Variants in SHROOM2 observed in about 807,000 individuals in gnomAD.
SHROOM2 encodes the protein shroom family member 2, also known as protein Shroom2.
In SHROOM2, 33 loss-of-function variants were observed where a neutral mutation model predicts 75.9. That is an observed-to-expected ratio of 0.43 (90% CI 0.33 to 0.58). The LOEUF (loss-of-function observed/expected upper bound fraction) is 0.58. Ranked by LOEUF, SHROOM2 falls within the 20% of genes least tolerant of loss-of-function variation. The pLI, the probability that SHROOM2 is intolerant of heterozygous loss-of-function variation, is 0.04. For missense variants in SHROOM2, 1,434 were observed against 1,461.2 expected (o/e 0.98, Z 0.30); for synonymous variants, 655 against 663.6 (o/e 0.99, Z 0.20).
chrX:9,928,756 A>G (rs1387852062), intron 5 of SHROOM2, among the ~76,000 whole-genome samples: 1 of 111,075 alleles, frequency 9.0e-6, no homozygotes, highest in Non-Finnish European at 1.9e-5. Flanking sequence ...AGGCGTACAC[A>G]TACAACATAC....
At chrX:9,834,024 C>T (rs2083930715) in intron 1 of SHROOM2, among the ~76,000 whole-genome samples, 1 of 112,482 alleles carries the variant, frequency 8.9e-6, no homozygotes, top group African/African-American at 3.2e-5. Flanking sequence ...AGTGACTTTG[C>T]TCCCCAGACA....
chrX:9,884,283 TA>T lies in SHROOM2; in HGVS notation c.318-6693del, dbSNP rs774513260. ...TTAGCTGGGGGCACGAAACACAAAC[TA>T]TTTGTCTTGGGAGGAGGTGCTTCTT... is the stretch of plus-strand genomic sequence containing the variant. On this transcript the variant is annotated intron_variant, in intron 2 of 9. Transcript: ENST00000380913. 5.4e-5 allele frequency among the ~76,000 whole-genome samples: 6 copies of T among 110,427 alleles called. No individual in the cohort carries two copies. In the South Asian group the frequency reaches 2.3e-3, roughly 43 times the overall value.
chrX:9,888,676 G>A (rs2084274631), intron 2 of SHROOM2, among the ~76,000 whole-genome samples: 1 of 111,603 alleles, frequency 9.0e-6, no homozygotes, highest in African/African-American at 3.3e-5. Flanking sequence ...ACTCCTGGCC[G>A]AAAGCAATCC....
At chrX:9,941,767 C>A (rs777759572) in intron 8 of SHROOM2, among the ~76,000 whole-genome samples, 55 of 109,022 alleles carry the variant, frequency 5.0e-4, no homozygotes, top group African/African-American at 1.4e-3. Flanking sequence ...GTCAGCAGAT[C>A]GAGGCCATCC....
At chrX:9,861,072 A>G (rs2084100800) in intron 1 of SHROOM2, among the ~76,000 whole-genome samples, 2 of 112,510 alleles carry the variant, frequency 1.8e-5, no homozygotes, top group Non-Finnish European at 3.8e-5. Context: ...TGCAAGTTCT[A>G]GAGATCTCTT....
At chrX:9,807,339 G>A (rs965331688) in intron 1 of SHROOM2, among the ~76,000 whole-genome samples, 7 of 112,253 alleles carry the variant, frequency 6.2e-5, no homozygotes, top group Non-Finnish European at 1.1e-4. Context: ...TGTTTCAGGC[G>A]TGCGAGTTTG....
chrX:9,915,669 G>A (rs963052978), intron 5 of SHROOM2, among the ~76,000 whole-genome samples: 4 of 112,425 alleles, frequency 3.6e-5, no homozygotes, highest in Admixed American at 9.4e-5. Flanking sequence ...ATTTATACAC[G>A]TGTGTGTGTA....
At chrX:9,855,774 A>G (rs1342592991) in intron 1 of SHROOM2, among the ~76,000 whole-genome samples, 1 of 111,439 alleles carries the variant, frequency 9.0e-6, no homozygotes, top group African/African-American at 3.3e-5. Context: ...GTGCTCTGCA[A>G]ACTCTTGCCC....
At chrX:9,827,825 G>T (rs1202001334) in intron 1 of SHROOM2, among the ~76,000 whole-genome samples, 1 of 110,746 alleles carries the variant, frequency 9.0e-6, no homozygotes, top group Admixed American at 9.6e-5. Flanking sequence ...GGTCGGGGTG[G>T]TTGGGCTGCA....
intron 1 of SHROOM2, among the ~76,000 whole-genome samples, chrX:9,815,426 TACA>T (rs2083813340): frequency 1.2e-5 from 1 of 82,219 alleles, no homozygotes; most frequent in Admixed American, 1.6e-4. Context: ...AGGATAGATA[TACA>T]TATTATGTGT....
At chrX:9,803,220 G>A (rs1422454318) in intron 1 of SHROOM2, among the ~76,000 whole-genome samples, 3 of 108,124 alleles carry the variant, frequency 2.8e-5, no homozygotes, top group Admixed American at 1.0e-4. Flanking sequence ...GATTACAGTT[G>A]GGAGCCACCA....
Position 9,937,653 on chromosome X carries a change from C to T in SHROOM2, c.4107C>T (p.Pro1369=), listed in dbSNP as rs1236522249. ...CCCAGCAACGGAGGAAGCTGCTCCC[C>T]AAAATCCCCTCTCCTAGAAGCACAG... ...EEAQQRRKLL[P]KIPSPRSTEE... is the part of the protein sequence containing the mutation. Residue 1369 remains proline, a synonymous_variant, in exon 7 of 10, where the codon CCC becomes CCT. Transcript: ENST00000380913. 3 of 1,202,149 alleles carry T rather than the reference C, an allele frequency of 2.5e-6. No individual in the cohort carries two copies. The highest frequency in any genetic ancestry group is 3.4e-6 in the Non-Finnish European group (3 of 890,626).
At chrX:9,853,245 C>G (rs1384744494) in intron 1 of SHROOM2, among the ~76,000 whole-genome samples, 1 of 111,504 alleles carries the variant, frequency 9.0e-6, no homozygotes, top group African/African-American at 3.3e-5. Flanking sequence ...AGTGAGCCCC[C>G]AGCTGTGGAG....
rs758773720 is a variant in SHROOM2, at chrX:9,932,560, C to A, written c.3277C>A (p.Pro1093Thr). Residue 1093 changes from proline to threonine, a missense_variant, in exon 6 of 10, where the codon CCC becomes ACC. Physicochemically the swap from Pro to Thr is conservative, Grantham distance 38. Around this residue, in one of 3 missense-constraint regions of SHROOM2, gnomAD observed 1,340 missense variants for 1,338.3 expected, o/e 1.00. Transcript: ENST00000380913. Reference protein sequence around the residue: ...ADAPVGVLGRPFPTPSPASLD... With the variant: ...ADAPVGVLGRTFPTPSPASLD... ...CGCCCCCGTGGGCGTCCTCGGCAGG[C>A]CCTTCCCAACGCCATCCCCTGCGTC... 1 of 1,211,651 alleles carries A rather than the reference C, an allele frequency of 8.3e-7. No individual in the cohort carries two copies. Among genetic ancestry groups the A allele is most frequent in the Non-Finnish European group, 1.1e-6 (1 of 895,447 alleles).
chrX:9,844,397 C>G (rs2083994898), intron 1 of SHROOM2, among the ~76,000 whole-genome samples: 1 of 111,195 alleles, frequency 9.0e-6, no homozygotes, highest in African/African-American at 3.3e-5. Flanking sequence ...CTGTGATCCC[C>G]TGCTTGGGAG....
chrX:9,882,860 G>C (rs1323840196), intron 2 of SHROOM2, among the ~76,000 whole-genome samples: 2 of 111,772 alleles, frequency 1.8e-5, no homozygotes, highest in African/African-American at 6.5e-5. Context: ...TTTTTATCTT[G>C]CCTCAGTTCT....
Position 9,896,448 on chromosome X carries a change from C to G in SHROOM2, c.2540C>G (p.Ser847Cys), listed in dbSNP as rs2084332262. The change falls in exon 4 of 10, where the codon TCC becomes TGC. Residue 847 changes from serine (S) to cysteine (C), a missense_variant. By Grantham distance (112) the Ser-to-Cys change is moderately radical (BLOSUM62 -1). Coordinates refer to ENST00000380913, the MANE Select transcript of SHROOM2 (RefSeq NM_001649.4). ...EGTEPWSRTT[S>C]LGDSLNAHSA... ...ACGGAGCCCTGGTCGCGCACCACCT[C>G]CCTTGGGGACAGCCTCAACGCTCAC... 2 of 1,211,629 alleles carry G rather than the reference C, an allele frequency of 1.7e-6. No individual in the cohort carries two copies. Among genetic ancestry groups the G allele is most frequent in the Non-Finnish European group, 2.2e-6 (2 of 895,360 alleles).
At chrX:9,929,190 G>A (rs373122342) in intron 5 of SHROOM2, among the ~76,000 whole-genome samples, 5 of 108,875 alleles carry the variant, frequency 4.6e-5, no homozygotes, top group Admixed American at 4.0e-4. Context: ...CCTTTTCTTC[G>A]TTTGTGTTGT....
At chrX:9,894,280 G>C in intron 3 of SHROOM2, 78 bp from the exon 4 acceptor site, 1 of 981,032 alleles carries the variant, frequency 1.0e-6, no homozygotes, top group Non-Finnish European at 1.4e-6. Context: ...CAGAGGGTCA[G>C]CTGCGTCCAC....
Sources: gnomAD v4.1 joint callset for allele counts (sites outside exome capture counted in the v4.1 genomes callset) on GRCh38, gnomAD v4.1.1 for gene constraint, gnomAD v4.1.1 regional missense constraint, MANE v1.5 for transcripts, NCBI Gene and HGNC (gene_info 2026-07-23, HGNC 2026-07-21) for gene names.